ARL15: variants seen among roughly 807,000 people sequenced by gnomAD.
ARL15 encodes the protein ARF like GTPase 15.
In ARL15, 19 loss-of-function variants were observed where a neutral mutation model predicts 25.2. The observed-to-expected ratio is 0.75, with a 90% CI of 0.53 to 1.10. The LOEUF is 1.10. Among genes scored for constraint, ARL15 ranks in the 50% least tolerant of loss-of-function variants. The pLI is 0.00. For missense variants in ARL15, 220 were observed against 246.0 expected (o/e 0.89, Z 0.71); for synonymous variants, 94 against 86.8 (o/e 1.08, Z -0.46).
At chr5:54,043,869 C>T (rs545127662) in intron 4 of ARL15, among the ~76,000 whole-genome samples, 9 of 150,414 alleles carry the variant, frequency 6.0e-5, no homozygotes, top group African/African-American at 1.2e-4. Context: ...AAAAATTAGC[C>T]AGGTGTGGTG....
chr5:53,932,066 G>T (rs1346842273), intron 4 of ARL15, among the ~76,000 whole-genome samples: 1 of 152,180 alleles, frequency 6.6e-6, no homozygotes, highest in African/African-American at 2.4e-5. Context: ...ACACTTTGCT[G>T]GGTCTGAAAA....
intron 1 of ARL15, among the ~76,000 whole-genome samples, chr5:54,295,550 G>C (rs2112699230): frequency 1.3e-5 from 2 of 152,198 alleles, no homozygotes; most frequent in South Asian, 4.1e-4. Context: ...ACATCTAAAT[G>C]ACCCAACCTT....
chr5:54,204,927 C>T (rs1755824018), intron 1 of ARL15, among the ~76,000 whole-genome samples: 1 of 105,820 alleles, frequency 9.5e-6, no homozygotes, highest in Non-Finnish European at 1.8e-5. Context: ...CTATCAATTC[C>T]CTTGCCTTTT....
chr5:54,044,814 A>G (rs961730205), intron 4 of ARL15, among the ~76,000 whole-genome samples: 2 of 152,240 alleles, frequency 1.3e-5, no homozygotes, highest in African/African-American at 4.8e-5. Flanking sequence ...TCACATAACA[A>G]AACTTTGACA....
intron 4 of ARL15, among the ~76,000 whole-genome samples, chr5:53,969,448 GA>G (rs1330125072): frequency 6.6e-6 from 1 of 151,988 alleles, no homozygotes; most frequent in East Asian, 1.9e-4. Flanking sequence ...GTCTATCTTA[GA>G]AAGATGGATT....
chr5:54,145,996 C>A (rs970280214), intron 3 of ARL15, among the ~76,000 whole-genome samples: 4 of 152,086 alleles, frequency 2.6e-5, no homozygotes, highest in Non-Finnish European at 4.4e-5. Flanking sequence ...TGTGAAGTCT[C>A]CTTTCTCCTT....
chr5:54,096,368 T>C (rs901179380), intron 4 of ARL15, among the ~76,000 whole-genome samples: 1 of 152,230 alleles, frequency 6.6e-6, no homozygotes, highest in African/African-American at 2.4e-5. Context: ...TTGAAGAGAA[T>C]GAACACAAGT....
intron 4 of ARL15, among the ~76,000 whole-genome samples, chr5:54,074,686 G>A (rs1474328287): frequency 2.0e-5 from 3 of 152,100 alleles, no homozygotes; most frequent in Non-Finnish European, 4.4e-5. Context: ...ATTCAAGTCA[G>A]AGAGATTTTA....
At chr5:54,017,150 G>A (rs1293016246) in intron 4 of ARL15, among the ~76,000 whole-genome samples, 2 of 152,196 alleles carry the variant, frequency 1.3e-5, no homozygotes, top group African/African-American at 4.8e-5. Flanking sequence ...ATAATAGTGT[G>A]TATGGAATCT....
intron 1 of ARL15, among the ~76,000 whole-genome samples, chr5:54,186,454 T>C (rs568935112): frequency 6.6e-6 from 1 of 152,316 alleles, no homozygotes; most frequent in African/African-American, 2.4e-5. Flanking sequence ...GTGAGAGTTA[T>C]TTAAAGGTGT....
At chr5:54,004,903 ATAT>A (rs754516512) in intron 4 of ARL15, among the ~76,000 whole-genome samples, 5 of 152,250 alleles carry the variant, frequency 3.3e-5, no homozygotes, top group Non-Finnish European at 7.3e-5. Flanking sequence ...GCTAGTCAGC[ATAT>A]TATGTTTTCT....
intron 2 of ARL15, among the ~76,000 whole-genome samples, chr5:54,161,103 T>C (rs1040527689): frequency 6.6e-6 from 1 of 152,136 alleles, no homozygotes; most frequent in African/African-American, 2.4e-5. Context: ...AATTTTTAAA[T>C]AGAAGACTGT....
chr5:54,127,857 T>C (rs1314404756), intron 3 of ARL15, among the ~76,000 whole-genome samples: 2 of 151,422 alleles, frequency 1.3e-5, no homozygotes, highest in African/African-American at 2.4e-5. Context: ...CCCTCAGAAA[T>C]AATGCCGCAT....
intron 1 of ARL15, among the ~76,000 whole-genome samples, chr5:54,244,734 AT>A (rs1198443713): frequency 6.6e-6 from 1 of 152,074 alleles, no homozygotes; most frequent in Admixed American, 6.6e-5. Flanking sequence ...GTCCCTCCCC[AT>A]CATTATCACC....
chr5:53,923,197 A>T (rs1745910858), intron 4 of ARL15, among the ~76,000 whole-genome samples: 3 of 152,152 alleles, frequency 2.0e-5, no homozygotes, highest in African/African-American at 7.2e-5. Flanking sequence ...GGTAAGGGTG[A>T]GTCAGGATGG....
Position 53,937,682 on chromosome 5 carries a change from CA to C in ARL15, c.463-50970del, listed in dbSNP as rs368494319. Among the ~76,000 whole-genome samples the C allele has an allele frequency of 4.9e-3, 743 of 152,268 alleles. 2 individuals are homozygous for C. The highest frequency in any genetic ancestry group is 8.8e-3 in the Admixed American group (134 of 15,284). On this transcript the variant is annotated intron_variant, in intron 4 of 4. Transcript: ENST00000504924. ...TTTACCATACAGCCTAGGAGTGTAG[CA>C]GGCAGGCTCTACCACCTGGGTATGT...
At chr5:54,064,352 C>A (rs1404865059) in intron 4 of ARL15, among the ~76,000 whole-genome samples, 3 of 152,112 alleles carry the variant, frequency 2.0e-5, no homozygotes, top group African/African-American at 7.2e-5. Context: ...GTAAGTTCCC[C>A]CAGCCTTAAA....
intron 4 of ARL15, among the ~76,000 whole-genome samples, chr5:54,072,261 C>A (rs1751453173): frequency 1.3e-5 from 2 of 152,210 alleles, no homozygotes; most frequent in Admixed American, 1.3e-4. Context: ...ACTCCCAGTT[C>A]TCTCCACACA....
At chr5:54,276,056 A>G (rs1050040771) in intron 1 of ARL15, among the ~76,000 whole-genome samples, 2 of 152,066 alleles carry the variant, frequency 1.3e-5, no homozygotes, top group Non-Finnish European at 2.9e-5. Flanking sequence ...ATGCCTGGCC[A>G]GCTTGGATTT....
Sources: allele counts gnomAD v4.1 joint callset (sites outside exome capture counted in the v4.1 genomes callset), GRCh38; gene constraint gnomAD v4.1.1; transcripts MANE v1.5; gene names NCBI Gene and HGNC (gene_info 2026-07-23, HGNC 2026-07-21).